NRG3: variants seen among roughly 807,000 people sequenced by gnomAD.
The protein encoded by NRG3 is pro-neuregulin-3, membrane-bound isoform.
NRG3 carries 31 observed loss-of-function variants against 66.9 expected under a neutral mutation model. The observed-to-expected ratio is 0.46, with a 90% CI of 0.35 to 0.63. NRG3 has a LOEUF of 0.63. NRG3 is among the 20% of genes least tolerant of loss of function. The probability of loss-of-function intolerance (pLI) is 0.00; values close to 1 mark genes in which losing one functional copy is unlikely to be tolerated. For missense variants in NRG3, 910 were observed against 878.9 expected, an observed-to-expected ratio of 1.04 and a Z score of -0.45; for synonymous variants, 393 against 359.4, an observed-to-expected ratio of 1.09 and a Z score of -1.06.
chr10:82,910,352 A>G (rs975153726), intron 4 of NRG3, among the ~76,000 whole-genome samples: 2 of 152,232 alleles, frequency 1.3e-5, no homozygotes, highest in Non-Finnish European at 1.5e-5. Flanking sequence ...ACTACAGCTA[A>G]TGAACAGCTA....
intron 1 of NRG3, among the ~76,000 whole-genome samples, chr10:82,303,336 A>AACACACACACACAC (rs144860357): frequency 0.027 from 4,087 of 149,300 alleles, 84 homozygotes; most frequent in African/African-American, 0.05. Context: ...TGCGTGTATA[A>AACACACACACACAC]ACACACACAC....
At chr10:82,950,780 A>G (rs916384479) in intron 4 of NRG3, among the ~76,000 whole-genome samples, 8 of 152,218 alleles carry the variant, frequency 5.3e-5, no homozygotes, top group African/African-American at 1.7e-4. Context: ...GATACAGGTT[A>G]AGAAAGGACC....
chr10:82,409,916 T>C (rs566757384), intron 2 of NRG3, among the ~76,000 whole-genome samples: 2 of 152,248 alleles, frequency 1.3e-5, no homozygotes, highest in Admixed American at 1.3e-4. Flanking sequence ...TTTGTCAGCT[T>C]TGTATTCTTA....
At chr10:82,726,641 G>A (rs921318163) in intron 2 of NRG3, among the ~76,000 whole-genome samples, 1 of 152,108 alleles carries the variant, frequency 6.6e-6, no homozygotes, top group Non-Finnish European at 1.5e-5. Context: ...CCAGTCTCGG[G>A]TATGTCTTTA....
At chr10:82,895,934 T>A (rs2131837312) in intron 4 of NRG3, among the ~76,000 whole-genome samples, 1 of 152,272 alleles carries the variant, frequency 6.6e-6, no homozygotes, top group Admixed American at 6.5e-5. Context: ...TAGCATTAGG[T>A]TGTTGATAGG....
intron 2 of NRG3, among the ~76,000 whole-genome samples, chr10:82,439,407 A>G (rs904539521): frequency 6.6e-6 from 1 of 152,004 alleles, no homozygotes. Context: ...ATTTTATTAA[A>G]TGTGTCTTTC....
chr10:81,875,956 C>T lies in NRG3; in HGVS notation c.616C>T (p.Leu206=). 1 of 1,613,886 alleles carries T rather than the reference C, an allele frequency of 6.2e-7. No homozygotes were observed. The highest frequency in any genetic ancestry group is 1.1e-5 in the South Asian group (1 of 91,078). Residue 206 remains leucine (L), a synonymous_variant, in exon 1 of 9, where the codon CTG becomes TTG. Transcript: ENST00000372141. This position sits in a 1 kb window ranked among gnomAD's most constrained non-coding sequence, Gnocchi z 5.3. The part of the protein sequence containing the change: ...TTAPFFSSST[L]GSRPPVPGTP... ...GGCCCCGTTCTTCAGTAGCAGCACGCTGGGCTCCCGACCCCCGGTGCCAGG... is the reference window on the plus strand; with the variant it reads ...GGCCCCGTTCTTCAGTAGCAGCACGTTGGGCTCCCGACCCCCGGTGCCAGG...
At chr10:82,632,713 G>C (rs1459706652) in intron 2 of NRG3, among the ~76,000 whole-genome samples, 1 of 152,120 alleles carries the variant, frequency 6.6e-6, no homozygotes, top group Non-Finnish European at 1.5e-5. Context: ...AAATACTTGT[G>C]AATCATAGTA....
At chr10:82,019,130 G>C (rs2132721543) in intron 1 of NRG3, among the ~76,000 whole-genome samples, 1 of 152,246 alleles carries the variant, frequency 6.6e-6, no homozygotes, top group Middle Eastern at 3.4e-3. Context: ...AATTTATTGA[G>C]AGTTTTTAGC....
At chr10:81,947,600 C>A (rs1214822502) in intron 1 of NRG3, among the ~76,000 whole-genome samples, 2 of 152,158 alleles carry the variant, frequency 1.3e-5, no homozygotes, top group East Asian at 3.9e-4. Context: ...GACCCGAAAG[C>A]CCCAGAGTAG....
At chr10:81,952,707 G>T (rs1299739465) in intron 1 of NRG3, among the ~76,000 whole-genome samples, 1 of 152,012 alleles carries the variant, frequency 6.6e-6, no homozygotes, top group East Asian at 1.9e-4. Context: ...TGGCTTAAGC[G>T]ATCCTTCCAC....
chr10:81,983,320 C>T (rs2133486126), intron 1 of NRG3, among the ~76,000 whole-genome samples: 1 of 152,322 alleles, frequency 6.6e-6, no homozygotes, highest in African/African-American at 2.4e-5. Flanking sequence ...TGCTCCTTTT[C>T]TTAAATGTTG....
chr10:82,683,502 A>G (rs1246577610), intron 2 of NRG3, among the ~76,000 whole-genome samples: 1 of 152,214 alleles, frequency 6.6e-6, no homozygotes, highest in Non-Finnish European at 1.5e-5. Context: ...TATTGTTGTC[A>G]TTATATGTAT....
intron 1 of NRG3, among the ~76,000 whole-genome samples, chr10:82,247,572 G>A (rs771571888): frequency 7.2e-5 from 11 of 151,962 alleles, no homozygotes; most frequent in Non-Finnish European, 1.3e-4. Context: ...TCCATTACAG[G>A]GTCCAAGTTG....
At chr10:82,874,485 T>C (rs1423433476) in intron 4 of NRG3, among the ~76,000 whole-genome samples, 1 of 151,910 alleles carries the variant, frequency 6.6e-6, no homozygotes. Context: ...TATATTTCTG[T>C]ATAGAATAAA....
chr10:82,052,619 C>T (rs566954456), intron 1 of NRG3, among the ~76,000 whole-genome samples: 46 of 152,144 alleles, frequency 3.0e-4, no homozygotes, highest in Admixed American at 5.2e-4. Context: ...AATTAGAGTT[C>T]AGGTGAGAAG....
At chr10:82,761,575 A>G (rs1310574516) in intron 3 of NRG3, among the ~76,000 whole-genome samples, 2 of 152,130 alleles carry the variant, frequency 1.3e-5, no homozygotes, top group African/African-American at 2.4e-5. Flanking sequence ...CTGAGACTGA[A>G]TTGCTACTTT....
At chr10:82,552,294 A>G (rs1278094344) in intron 2 of NRG3, among the ~76,000 whole-genome samples, 1 of 152,188 alleles carries the variant, frequency 6.6e-6, no homozygotes, top group Non-Finnish European at 1.5e-5. Context: ...AGTTTTCAAG[A>G]TAATGATTTT....
chr10:82,739,646 C>CA (rs1216447983), intron 3 of NRG3, among the ~76,000 whole-genome samples: 1 of 152,142 alleles, frequency 6.6e-6, no homozygotes, highest in Admixed American at 6.5e-5. Flanking sequence ...CAAGTAAATG[C>CA]AAAGTTATTT....
Sources: gnomAD v4.1 joint callset for allele counts (sites outside exome capture counted in the v4.1 genomes callset) on GRCh38, gnomAD v4.1.1 for gene constraint, Gnocchi (gnomAD v3.1) non-coding constraint, MANE v1.5 for transcripts, NCBI Gene and HGNC (gene_info 2026-07-23, HGNC 2026-07-21) for gene names.